Variants in CHAF1B observed in about 807,000 individuals in gnomAD.
CHAF1B encodes the protein chromatin assembly factor 1 subunit B.
Under a neutral mutation model 60.7 loss-of-function variants are expected in CHAF1B, and 10 were observed. The observed-to-expected ratio is 0.16, with a 90% CI of 0.10 to 0.28. The LOEUF (loss-of-function observed/expected upper bound fraction) is 0.28, where lower values mean the gene tolerates loss of function less well. CHAF1B is among the 10% of genes least tolerant of loss of function. The pLI, the probability that CHAF1B is intolerant of heterozygous loss-of-function variation, is 1.00. For synonymous variants in CHAF1B, 261 were observed against 266.1 expected (o/e 0.98, Z 0.19); for missense variants, 558 against 708.4 (o/e 0.79, Z 2.41).
chr21:36,399,362 T>G (rs1480379881), intron 6 of CHAF1B, 159 bp from the exon 7 acceptor site: 3 of 635,514 alleles, frequency 4.7e-6, no homozygotes, highest in Non-Finnish European at 5.6e-6. Flanking sequence ...TTGTTAATAC[T>G]TGCTTCCTTC....
In CHAF1B at chr21:36,415,304, C is replaced by A. The variant is rs767100652; in HGVS notation, c.1503C>A (p.Asn501Lys). 1.2e-6 allele frequency: 2 copies of A among 1,600,626 alleles called. No homozygotes were observed. The highest frequency in any genetic ancestry group is 2.2e-5 in the South Asian group (2 of 90,708). The change falls in exon 13 of 14, where the codon AAC becomes AAA. Residue 501 changes from asparagine (N) to lysine (K), a missense_variant. Asn to Lys is a moderately conservative substitution (Grantham distance 94). Transcript: ENST00000314103. ...AWSKTTPRRI[N>K]LTPLKTDTPP... ...TTTTTTTTAAATCAAGGAGAATAAA[C>A]TTAACACCCTTAAAGACGGACACTC... is the stretch of plus-strand genomic sequence containing the variant.
In CHAF1B at chr21:36,409,417, G is replaced by A; in HGVS notation, c.871G>A (p.Val291Ile). 2 of 1,613,890 alleles carry A rather than the reference G, an allele frequency of 1.2e-6. No individual in the cohort carries two copies. Among genetic ancestry groups the A allele is most frequent in the Non-Finnish European group, 1.7e-6 (2 of 1,179,960 alleles). ...LPCPGKATLA[V>I]RCCPVYFELR... ...ATGTCCTGGAAAAGCCACTCTTGCT[G>A]TTCGCTGCTGTCCGGTCTACTTTGA... The change falls in exon 10 of 14, where the codon GTT becomes ATT. Residue 291 changes from valine to isoleucine, a missense_variant. Coordinates refer to ENST00000314103, the MANE Select transcript of CHAF1B (RefSeq NM_005441.3).
In CHAF1B at chr21:36,416,394, A is replaced by G. The variant is rs377724094; in HGVS notation, c.*28A>G. ...GGACCTCGGCTTCTGCTCGAAGCCT[A>G]CCAGGCTCCCGGTGTGTGCAGGGAG... On this transcript the variant is annotated 3_prime_UTR_variant, in exon 14 of 14. Coordinates refer to ENST00000314103, the MANE Select transcript of CHAF1B (RefSeq NM_005441.3). 7 of 1,593,050 alleles carry G rather than the reference A, an allele frequency of 4.4e-6. No homozygotes were observed. In the South Asian group the frequency reaches 6.7e-5, roughly 15 times the overall value.
At chr21:36,393,345 A>G (rs1352020500) in intron 4 of CHAF1B, among the ~76,000 whole-genome samples, 1 of 152,138 alleles carries the variant, frequency 6.6e-6, no homozygotes, top group Non-Finnish European at 1.5e-5. Flanking sequence ...GTCCTAAGAC[A>G]ATAGTTTTAA....
At chr21:36,394,250 G>A (rs1314473661) in intron 4 of CHAF1B, among the ~76,000 whole-genome samples, 1 of 151,972 alleles carries the variant, frequency 6.6e-6, no homozygotes, top group Non-Finnish European at 1.5e-5. Context: ...CTAATTTTTT[G>A]TATTTTAGTA....
chr21:36,411,524 G>A lies in CHAF1B; in HGVS notation c.981G>A (p.Val327=). The A allele has an allele frequency of 6.2e-7, 1 of 1,614,094 alleles. No homozygotes were observed. The highest frequency in any genetic ancestry group is 8.5e-7 in the Non-Finnish European group (1 of 1,180,026). The change falls in exon 11 of 14, where the codon GTG becomes GTA. Residue 327 remains valine, a synonymous_variant. Transcript: ENST00000314103. ...LVFAVASEDS[V]LLYDTQQSFP... ...TTGCTGTGGCCTCGGAGGATTCCGTGCTTCTGTATGACACCCAGCAGTCCT... is the reference window on the plus strand; with the variant it reads ...TTGCTGTGGCCTCGGAGGATTCCGTACTTCTGTATGACACCCAGCAGTCCT...
At chr21:36,406,003 A>G (rs577772174) in intron 8 of CHAF1B, among the ~76,000 whole-genome samples, 1 of 152,128 alleles carries the variant, frequency 6.6e-6, no homozygotes, top group Non-Finnish European at 1.5e-5. Flanking sequence ...CTCACCACAT[A>G]TCAGAAGATC....
chr21:36,402,701 C>G (rs1365812799), intron 7 of CHAF1B, 57 bp from the exon 8 acceptor site: 1 of 1,402,704 alleles, frequency 7.1e-7, no homozygotes, highest in Non-Finnish European at 1.0e-6. Flanking sequence ...AATGTTTAAG[C>G]TTTGTGTGTA....
At chr21:36,393,556 A>T (rs974747937) in intron 4 of CHAF1B, among the ~76,000 whole-genome samples, 2 of 144,980 alleles carry the variant, frequency 1.4e-5, no homozygotes, top group Non-Finnish European at 3.0e-5. Flanking sequence ...GGTTCAAGCG[A>T]TTCTCCTACC....
At chr21:36,391,319 AC>A (rs1242490970) in intron 3 of CHAF1B, among the ~76,000 whole-genome samples, 1 of 151,972 alleles carries the variant, frequency 6.6e-6, no homozygotes, top group African/African-American at 2.4e-5. Flanking sequence ...TTGTTTTAAT[AC>A]CCTAAAAATC....
intron 2 of CHAF1B, among the ~76,000 whole-genome samples, chr21:36,386,859 G>A (rs971618521): frequency 6.6e-6 from 1 of 151,880 alleles, no homozygotes; most frequent in African/African-American, 2.4e-5. Context: ...GACTACAGCC[G>A]CTCATCACCA....
chr21:36,387,476 C>T, intron 2 of CHAF1B, 122 bp from the exon 3 acceptor site: 1 of 1,258,910 alleles, frequency 7.9e-7, no homozygotes, highest in Non-Finnish European at 1.1e-6. Flanking sequence ...CCACCTTGGC[C>T]TCCTAAACTG....
At chr21:36,410,684 T>C (rs1178718933) in intron 10 of CHAF1B, among the ~76,000 whole-genome samples, 2 of 151,562 alleles carry the variant, frequency 1.3e-5, no homozygotes, top group African/African-American at 4.8e-5. Flanking sequence ...CTTTTTTTTT[T>C]TTTTCTTGCT....
chr21:36,405,763 T>G (rs1397582001), intron 8 of CHAF1B, among the ~76,000 whole-genome samples: 1 of 152,068 alleles, frequency 6.6e-6, no homozygotes, highest in African/African-American at 2.4e-5. Context: ...GGGCAGGACC[T>G]TTATGGAGAA....
intron 8 of CHAF1B, among the ~76,000 whole-genome samples, chr21:36,407,582 A>T (rs1266162761): frequency 1.3e-5 from 2 of 152,216 alleles, no homozygotes; most frequent in African/African-American, 4.8e-5. Context: ...TTGAGTTATA[A>T]CTGATTGTAA....
At chr21:36,415,041 G>A (rs2086307140) in intron 12 of CHAF1B, among the ~76,000 whole-genome samples, 1 of 152,192 alleles carries the variant, frequency 6.6e-6, no homozygotes, top group South Asian at 2.1e-4. Flanking sequence ...ACAGAACACA[G>A]GTTTTGAAAC....
Position 36,413,254 on chromosome 21 carries a change from G to T in CHAF1B, c.1432G>T (p.Ala478Ser). The change falls in exon 12 of 14, where the codon GCC becomes TCC. Residue 478 changes from alanine to serine, a missense_variant. By Grantham distance (99) the Ala-to-Ser change is moderately conservative. This residue lies in a region of CHAF1B where 233 missense variants were observed against 214.9 expected (regional missense o/e 1.08). Coordinates refer to ENST00000314103, the MANE Select transcript of CHAF1B (RefSeq NM_005441.3). Reference protein sequence around the residue: ...TLQPSSQNTKAHPSRRVTLNT... With the variant: ...TLQPSSQNTKSHPSRRVTLNT... ...GCAGCCCAGTAGTCAAAACACAAAA[G>T]CCCACCCATCCCGGAGGGTCACTCT... The T allele has an allele frequency of 6.2e-7, 1 of 1,613,720 alleles. No individual in the cohort carries two copies. Among genetic ancestry groups the T allele is most frequent in the South Asian group, 1.1e-5 (1 of 91,052 alleles).
At chr21:36,405,495 T>C (rs1321130110) in intron 8 of CHAF1B, among the ~76,000 whole-genome samples, 1 of 152,134 alleles carries the variant, frequency 6.6e-6, no homozygotes, top group African/African-American at 2.4e-5. Context: ...GGTGTGATCA[T>C]GGCCCACTGC....
At position 36,408,914 on chromosome 21, in the gene CHAF1B, G is replaced by A. The variant is rs191044264; in HGVS notation, c.827+84G>A. 4 of 943,002 alleles carry A rather than the reference G, an allele frequency of 4.2e-6. No homozygotes were observed. In the East Asian group the frequency reaches 7.8e-5, roughly 18 times the overall value. 58.4% of individuals were successfully genotyped at this position (943,002 alleles called of 1,614,324 possible). A position where few individuals can be genotyped will look rare whatever the true frequency, so the allele number is the denominator to read the frequency against. ...TTGTTGCCCAGGCTGGAGTGCAATG[G>A]TGCGATCTCTGCTCACTGCAACCTC... On this transcript the variant is annotated intron_variant, in intron 9 of 13. Coordinates refer to ENST00000314103, the MANE Select transcript of CHAF1B (RefSeq NM_005441.3).
Sources: gnomAD v4.1 joint callset for allele counts (sites outside exome capture counted in the v4.1 genomes callset) on GRCh38, gnomAD v4.1.1 for gene constraint, gnomAD v4.1.1 regional missense constraint, MANE v1.5 for transcripts, NCBI Gene and HGNC (gene_info 2026-07-23, HGNC 2026-07-21) for gene names.